The following NSUN4 variants were observed in gnomAD, a reference collection of about 807,000 sequenced individuals.
The protein encoded by NSUN4 is NOP2/Sun RNA methyltransferase 4, also known as 5-cytosine rRNA methyltransferase NSUN4.
NSUN4 carries 31 observed loss-of-function variants against 43.8 expected under a neutral mutation model. The observed-to-expected ratio is 0.71, with a 90% CI of 0.53 to 0.96. The LOEUF is 0.96. NSUN4 is among the 40% of genes least tolerant of loss of function. The pLI is 0.00. For missense variants in NSUN4, 439 were observed against 475.6 expected (o/e 0.92, Z 0.72); for synonymous variants, 167 against 184.1 (o/e 0.91, Z 0.75).
rs904983935 is a variant in NSUN4, at chr1:46,364,283, G to A, written c.*2437G>A. The A allele has an allele frequency of 1.6e-5, 2 of 122,398 alleles. No individual in the cohort carries two copies. The highest frequency in any genetic ancestry group is 3.2e-5 in the Non-Finnish European group (2 of 63,030). The allele number at this position is 122,398 out of a possible 1,614,324, so 7.6% of individuals were successfully genotyped here. On this transcript the variant is annotated 3_prime_UTR_variant, in exon 6 of 6. Coordinates refer to ENST00000474844, the MANE Select transcript of NSUN4 (RefSeq NM_199044.4). ...AGCCTGGGCAAGAGAGTGAGACTCC[G>A]TTTTGTGCCACTGCACTCCAGCCAG...
chr1:46,352,640 C>T (rs925528256), intron 3 of NSUN4, among the ~76,000 whole-genome samples: 4 of 152,092 alleles, frequency 2.6e-5, no homozygotes, highest in Non-Finnish European at 4.4e-5. Flanking sequence ...ACTTGGTCTG[C>T]TTTATTCATT....
intron 4 of NSUN4, among the ~76,000 whole-genome samples, chr1:46,355,540 C>T (rs1285234602): frequency 6.6e-6 from 1 of 152,160 alleles, no homozygotes; most frequent in Non-Finnish European, 1.5e-5. Flanking sequence ...GCATTTGGCA[C>T]AATGTCTGGA....
chr1:46,380,279 G>A, the NSUN4 span, among the ~76,000 whole-genome samples: 6 of 152,314 alleles, frequency 3.9e-5, no homozygotes, highest in South Asian at 2.1e-4. Context: ...AGCTGACTGC[G>A]GATGCTGACA....
rs773980804 is a variant in NSUN4 at position 46,360,249 on chromosome 1, AATATATATATAT to A, written c.754-438_754-427del. Among the ~76,000 whole-genome samples the A allele has an allele frequency of 8.7e-3, 225 of 25,752 alleles. 8 individuals are homozygous for A. The East Asian group carries it at 0.11, about 13-fold the overall frequency. 16.9% of individuals were successfully genotyped at this position (25,752 alleles called of 152,430 possible). A position where few individuals can be genotyped will look rare whatever the true frequency, so the allele number is the denominator to read the frequency against. ...ATCTCAAAAAAAAAAAAAAAAAAAA[AATATATATATAT>A]ATATATATATATATATGTAAATTAG... On this transcript the variant is annotated intron_variant, in intron 4 of 5. Transcript: ENST00000474844.
At chr1:46,360,463 C>T (rs902981807) in intron 4 of NSUN4, among the ~76,000 whole-genome samples, 2 of 150,746 alleles carry the variant, frequency 1.3e-5, no homozygotes, top group African/African-American at 2.4e-5. Flanking sequence ...ATTATAGTTA[C>T]TTGTGTGTTA....
At chr1:46,379,727 G>A in the NSUN4 span, among the ~76,000 whole-genome samples, 1 of 152,154 alleles carries the variant, frequency 6.6e-6, no homozygotes, top group Non-Finnish European at 1.5e-5. Context: ...GAGGTCTAAG[G>A]TCAAGGCACT....
chr1:46,378,726 C>T, the NSUN4 span, among the ~76,000 whole-genome samples: 7 of 152,302 alleles, frequency 4.6e-5, no homozygotes, highest in South Asian at 8.3e-4. Flanking sequence ...TGGGTGGTTC[C>T]GCTGACCTTA....
the NSUN4 span, among the ~76,000 whole-genome samples, chr1:46,379,578 G>A: frequency 6.6e-6 from 1 of 152,182 alleles, no homozygotes; most frequent in African/African-American, 2.4e-5. Flanking sequence ...TCGCACCACT[G>A]CACTCCAGCC....
At chr1:46,351,141 A>G (rs1662947868) in intron 3 of NSUN4, among the ~76,000 whole-genome samples, 1 of 151,086 alleles carries the variant, frequency 6.6e-6, no homozygotes, top group Non-Finnish European at 1.5e-5. Context: ...CGACGCAGGC[A>G]GATCACCTGA....
At chr1:46,380,508 C>T in the NSUN4 span, among the ~76,000 whole-genome samples, 1 of 152,244 alleles carries the variant, frequency 6.6e-6, no homozygotes, top group Non-Finnish European at 1.5e-5. Context: ...CTCCTCCATA[C>T]TGCCTTCTCA....
At chr1:46,373,711 C>G in the NSUN4 span, among the ~76,000 whole-genome samples, 2 of 152,214 alleles carry the variant, frequency 1.3e-5, no homozygotes, top group African/African-American at 4.8e-5. Context: ...CCAATTAATC[C>G]ATGAATGAAT....
At chr1:46,348,689 A>G in intron 3 of NSUN4, among the ~76,000 whole-genome samples, 1 of 138,554 alleles carries the variant, frequency 7.2e-6, no homozygotes, top group Non-Finnish European at 1.5e-5. Context: ...CGCTTGGGCA[A>G]CAAGAGCAAA....
the NSUN4 span, among the ~76,000 whole-genome samples, chr1:46,380,861 T>C: frequency 2.6e-5 from 4 of 152,274 alleles, no homozygotes; most frequent in African/African-American, 9.6e-5. Context: ...ACAGCAATAA[T>C]AATAATGATT....
At position 46,364,132 on chromosome 1, in the gene NSUN4, G is replaced by GTA. The variant is rs1664040631; in HGVS notation, c.*2286_*2287insTA. ...CAGCTTGGACAATGTAGTGAGACCTGGTCTTTACCAAAAAAAAAAAAAAAA... is the reference window on the plus strand; with the variant it reads ...CAGCTTGGACAATGTAGTGAGACCTGTAGTCTTTACCAAAAAAAAAAAAAAAA... On this transcript the variant is annotated 3_prime_UTR_variant, in exon 6 of 6. Coordinates refer to ENST00000474844, the MANE Select transcript of NSUN4 (RefSeq NM_199044.4). 7.2e-6 allele frequency: 1 copy of GTA among 138,848 alleles called. No homozygotes were observed. The highest frequency in any genetic ancestry group is 1.5e-5 in the Non-Finnish European group (1 of 64,638). 8.6% of individuals were successfully genotyped at this position (138,848 alleles called of 1,614,324 possible). A position where few individuals can be genotyped will look rare whatever the true frequency, so the allele number is the denominator to read the frequency against.
intron 1 of NSUN4, chr1:46,343,435 C>T: frequency 5.0e-6 from 2 of 399,634 alleles, no homozygotes; most frequent in Non-Finnish European, 8.8e-6. Context: ...CTGCAGATCC[C>T]CTACAGCTGC....
At chr1:46,356,147 C>G (rs1259430037) in intron 4 of NSUN4, among the ~76,000 whole-genome samples, 1 of 152,158 alleles carries the variant, frequency 6.6e-6, no homozygotes, top group Non-Finnish European at 1.5e-5. Flanking sequence ...TCATGGCTCA[C>G]TGCAGTCTTG....
At chr1:46,342,636 C>T in intron 1 of NSUN4, 1 of 399,436 alleles carries the variant, frequency 2.5e-6, no homozygotes, top group Non-Finnish European at 4.4e-6. Flanking sequence ...TCCCCATGGT[C>T]CTCATTCTGT....
chr1:46,342,669 G>A, intron 1 of NSUN4: 1 of 398,862 alleles, frequency 2.5e-6, no homozygotes, highest in Admixed American at 4.4e-5. Context: ...TTCACCCCTG[G>A]GCAACCAGTT....
At chr1:46,345,165 T>C (rs549699498) in intron 2 of NSUN4, 21 bp downstream of exon 2, 1 of 1,567,620 alleles carries the variant, frequency 6.4e-7, no homozygotes, top group South Asian at 1.2e-5. Flanking sequence ...GAGCCATGAC[T>C]GGAGCGGTCC....
Sources: gnomAD v4.1 joint callset for allele counts (sites outside exome capture counted in the v4.1 genomes callset) on GRCh38, gnomAD v4.1.1 for gene constraint, MANE v1.5 for transcripts, NCBI Gene and HGNC (gene_info 2026-07-23, HGNC 2026-07-21) for gene names.